CHD6: variants seen among roughly 807,000 people sequenced by gnomAD.
CHD6 encodes chromodomain helicase DNA binding protein 6.
CHD6 carries 50 observed loss-of-function variants against 276.9 expected under a neutral mutation model. The ratio of observed to expected loss-of-function variants is 0.18; its 90% CI spans 0.14 to 0.23. The LOEUF is 0.23. Ranked by LOEUF, CHD6 falls within the 10% of genes least tolerant of loss-of-function variation. CHD6 has a pLI of 1.00. For missense variants in CHD6, 2,564 were observed against 3,365.8 expected, an observed-to-expected ratio of 0.76 and a Z score of 5.89; for synonymous variants, 1,173 against 1,229.3, an observed-to-expected ratio of 0.95 and a Z score of 0.96.
At chr20:41,437,032 G>A (rs1407084565) in intron 27 of CHD6, among the ~76,000 whole-genome samples, 1 of 152,102 alleles carries the variant, frequency 6.6e-6, no homozygotes, top group Non-Finnish European at 1.5e-5. Flanking sequence ...AGGTATATGC[G>A]ATTTCTGTAT....
intron 17 of CHD6, among the ~76,000 whole-genome samples, chr20:41,467,686 A>AT (rs2042957532): frequency 6.6e-6 from 1 of 151,852 alleles, no homozygotes; most frequent in South Asian, 2.1e-4. Flanking sequence ...GGCTGTCAAC[A>AT]TAACAAGACC....
At position 41,592,185 on chromosome 20, in the gene CHD6, T is replaced by C. The variant is rs1168744896; in HGVS notation, c.-24+26155A>G. Among the ~76,000 whole-genome samples the C allele has an allele frequency of 4.6e-5, 7 of 152,286 alleles. No individual in the cohort carries two copies. In the East Asian group the frequency reaches 1.4e-3, roughly 29 times the overall value. On this transcript the variant is annotated intron_variant, in intron 1 of 36. Coordinates refer to ENST00000373233, the MANE Select transcript of CHD6 (RefSeq NM_032221.5). ...CAATATCCAAAGCTTTTGAGTACTA[T>C]CAGCATTTTCATGGTTTAAAAAACA...
intron 2 of CHD6, among the ~76,000 whole-genome samples, chr20:41,537,341 A>C (rs780898587): frequency 3.3e-5 from 5 of 152,214 alleles, no homozygotes; most frequent in Non-Finnish European, 7.3e-5. Flanking sequence ...ATATTTAAAA[A>C]CAATATACTA....
chr20:41,502,018 T>C (rs565218355), intron 5 of CHD6, among the ~76,000 whole-genome samples: 32 of 152,250 alleles, frequency 2.1e-4, no homozygotes, highest in Admixed American at 2.0e-3. Flanking sequence ...AAGAATTATT[T>C]TAAATAAGAG....
At chr20:41,549,670 T>C (rs1378852091) in intron 2 of CHD6, among the ~76,000 whole-genome samples, 1 of 151,430 alleles carries the variant, frequency 6.6e-6, no homozygotes, top group East Asian at 1.9e-4. Context: ...AAATAAAATA[T>C]TTTGGGTCCA....
intron 1 of CHD6, among the ~76,000 whole-genome samples, chr20:41,553,188 G>A (rs1026343900): frequency 6.6e-6 from 1 of 152,058 alleles, no homozygotes; most frequent in African/African-American, 2.4e-5. Context: ...CAAAAATAAA[G>A]AAGTTTGGGG....
chr20:41,405,388 C>A lies in CHD6; in HGVS notation c.7353G>T (p.Leu2451=), dbSNP rs199637292. Residue 2451 remains leucine, a synonymous_variant, in exon 37 of 37, where the codon CTG becomes CTT. Transcript: ENST00000373233. ...RRGRRPRSEL[L]KAPSIVADSP... ...AGTCTGCCACAATGGAAGGAGCCTT[C>A]AGGAGTTCGCTCCGAGGCCGCCTCC... 1.9e-4 allele frequency: 299 copies of A among 1,614,060 alleles called. 2 individuals carry two copies. The highest frequency in any genetic ancestry group is 3.3e-4 in the Middle Eastern group (2 of 6,084).
In CHD6 at chr20:41,416,672, A is replaced by G. The variant is rs779905195; in HGVS notation, c.6402T>C (p.Ala2134=). The G allele has an allele frequency of 1.4e-5, 23 of 1,614,146 alleles. No homozygotes were observed. The Admixed American group carries it at 3.7e-4, about 26-fold the overall frequency. Residue 2134 remains alanine (A), a synonymous_variant, in exon 33 of 37, where the codon GCT becomes GCC. Transcript: ENST00000373233. The stretch of plus-strand genomic sequence containing the variant: ...GCTCTGAGAGGCTGGTTCGAGAACC[A>G]GCACTGCTGGTTAATACCGGGGTGG... ...TLPTPVLTSS[A]GSRTSLSEPE...
At chr20:41,455,321 G>C (rs973774226) in intron 19 of CHD6, among the ~76,000 whole-genome samples, 2 of 152,254 alleles carry the variant, frequency 1.3e-5, no homozygotes, top group Non-Finnish European at 2.9e-5. Context: ...TTTAAATCCA[G>C]TGGCCTAAAC....
chr20:41,440,372 G>C (rs1203266963), intron 25 of CHD6, among the ~76,000 whole-genome samples: 6 of 152,192 alleles, frequency 3.9e-5, no homozygotes, highest in Admixed American at 1.3e-4. Flanking sequence ...TCCGTGAAAA[G>C]ACAATTGTAT....
At chr20:41,514,764 G>A in intron 4 of CHD6, 41 bp downstream of exon 4, 1 of 1,606,586 alleles carries the variant, frequency 6.2e-7, no homozygotes, top group Non-Finnish European at 8.5e-7. Flanking sequence ...ATCCCATCCA[G>A]GAGCCGTAAT....
At chr20:41,599,498 T>C (rs1182945877) in intron 1 of CHD6, among the ~76,000 whole-genome samples, 1 of 152,114 alleles carries the variant, frequency 6.6e-6, no homozygotes, top group African/African-American at 2.4e-5. Context: ...GCACCATACC[T>C]CGTATTTGTG....
At chr20:41,409,815 GAT>G (rs1391486594) in intron 36 of CHD6, among the ~76,000 whole-genome samples, 6 of 152,176 alleles carry the variant, frequency 3.9e-5, no homozygotes, top group African/African-American at 1.2e-4. Context: ...ATTTAGGGGT[GAT>G]ATGTCATGTC....
chr20:41,449,004 C>G (rs760515035), intron 23 of CHD6, among the ~76,000 whole-genome samples: 2 of 151,738 alleles, frequency 1.3e-5, no homozygotes, highest in African/African-American at 2.4e-5. Context: ...TGGGTTCAAG[C>G]GGTTCTCCTG....
chr20:41,575,946 G>GA (rs914585853), intron 1 of CHD6, among the ~76,000 whole-genome samples: 6 of 151,600 alleles, frequency 4.0e-5, no homozygotes, highest in Admixed American at 6.6e-5. Context: ...TACATACCAT[G>GA]AAAAAAAACT....
intron 2 of CHD6, among the ~76,000 whole-genome samples, chr20:41,544,861 TTACA>T (rs2045011086): frequency 6.6e-6 from 1 of 151,990 alleles, no homozygotes; most frequent in Admixed American, 6.6e-5. Context: ...TTGTGTCAAC[TTACA>T]TACAATTTAC....
chr20:41,580,041 T>TA (rs1193199558), intron 1 of CHD6, among the ~76,000 whole-genome samples: 3 of 152,298 alleles, frequency 2.0e-5, no homozygotes, highest in African/African-American at 7.2e-5. Flanking sequence ...AGTTAAAACA[T>TA]TAACTGACTA....
intron 31 of CHD6, among the ~76,000 whole-genome samples, chr20:41,420,295 GCTATGATTGT>G (rs1425698352): frequency 6.6e-6 from 1 of 152,136 alleles, no homozygotes; most frequent in Non-Finnish European, 1.5e-5. Flanking sequence ...CAGCCAAACT[GCTATGATTGT>G]CTATGATCTT....
chr20:41,544,884 T>C (rs2146122874), intron 2 of CHD6, among the ~76,000 whole-genome samples: 1 of 152,208 alleles, frequency 6.6e-6, no homozygotes, highest in East Asian at 1.9e-4. Context: ...ACTTTGGTCT[T>C]ATAAATACCA....
Sources: gnomAD v4.1 joint callset for allele counts (sites outside exome capture counted in the v4.1 genomes callset) on GRCh38, gnomAD v4.1.1 for gene constraint, MANE v1.5 for transcripts, NCBI Gene and HGNC (gene_info 2026-07-23, HGNC 2026-07-21) for gene names.